LRRC9: variants seen among roughly 807,000 people sequenced by gnomAD.
LRRC9 encodes the protein leucine rich repeat containing 9.
Under a neutral mutation model 63.2 loss-of-function variants are expected in LRRC9, and 122 were observed. The observed-to-expected ratio is 1.93, with a 90% CI of 1.67 to 2.24. LRRC9 has a LOEUF of 2.24. LRRC9 is among the 30% of genes most tolerant of loss of function. The probability of loss-of-function intolerance (pLI) is 0.00; values close to 1 mark genes in which losing one functional copy is unlikely to be tolerated. For missense variants in LRRC9, 1,071 were observed against 627.7 expected, an observed-to-expected ratio of 1.71 and a Z score of -7.55; for synonymous variants, 366 against 213.1, an observed-to-expected ratio of 1.72 and a Z score of -6.25.
intron 8 of LRRC9, 69 bp from the exon 9 acceptor site, chr14:59,959,749 T>C (rs947223704): frequency 3.4e-5 from 17 of 500,354 alleles, no homozygotes; most frequent in Non-Finnish European, 5.3e-5. Flanking sequence ...AAACTTAACA[T>C]CTGAATTCCG....
intron 8 of LRRC9, among the ~76,000 whole-genome samples, chr14:59,949,599 A>G (rs986664259): frequency 2.0e-5 from 3 of 151,150 alleles, no homozygotes; most frequent in African/African-American, 7.3e-5. Flanking sequence ...TAGGGTGTCA[A>G]TTTTGGATCT....
intron 17 of LRRC9, among the ~76,000 whole-genome samples, chr14:59,995,725 G>T (rs1290958706): frequency 6.7e-6 from 1 of 148,752 alleles, no homozygotes; most frequent in Non-Finnish European, 1.5e-5. Context: ...AAGAAGACAG[G>T]TTTTTTTTTT....
chr14:60,054,008 T>C (rs1349801447), intron 30 of LRRC9: 1 of 421,758 alleles, frequency 2.4e-6, no homozygotes, highest in Non-Finnish European at 4.6e-6. Flanking sequence ...AGAATATAAA[T>C]GAATCTTTGA....
At chr14:59,999,560 G>A (rs1034660120) in intron 19 of LRRC9, among the ~76,000 whole-genome samples, 2 of 152,054 alleles carry the variant, frequency 1.3e-5, no homozygotes, top group African/African-American at 4.8e-5. Flanking sequence ...AAGCTTAGAG[G>A]CCTTCAGAAA....
chr14:60,029,419 T>G (rs1476052763), intron 28 of LRRC9, among the ~76,000 whole-genome samples: 1 of 152,086 alleles, frequency 6.6e-6, no homozygotes, highest in Admixed American at 6.6e-5. Flanking sequence ...AACATCTCCA[T>G]TTTAAACTTG....
exon 12 of LRRC9, chr14:59,967,099 C>G (rs1016034899): frequency 1.1e-5 from 7 of 633,524 alleles, no homozygotes; most frequent in Admixed American, 2.1e-5. Flanking sequence ...TCTTAAGGAG[C>G]TACCGAAGGA....
chr14:60,009,007 T>C (rs1023836112), intron 23 of LRRC9, among the ~76,000 whole-genome samples: 5 of 152,168 alleles, frequency 3.3e-5, no homozygotes, highest in Admixed American at 2.6e-4. Context: ...CTGTGACTTA[T>C]TTATTTGTTA....
chr14:59,963,165 C>A (rs907797323), intron 10 of LRRC9, among the ~76,000 whole-genome samples: 1 of 152,138 alleles, frequency 6.6e-6, no homozygotes, highest in Non-Finnish European at 1.5e-5. Context: ...AGAACTAGGA[C>A]TGAAAGATTT....
At chr14:59,953,982 G>C (rs1404925785) in intron 8 of LRRC9, among the ~76,000 whole-genome samples, 1 of 152,084 alleles carries the variant, frequency 6.6e-6, no homozygotes, top group African/African-American at 2.4e-5. Flanking sequence ...GATATGTGGT[G>C]CTATTTCTGA....
At chr14:60,065,022 T>C (rs1894850142), downstream of LRRC9, among the ~76,000 whole-genome samples, 2 of 152,214 alleles carry the variant, frequency 1.3e-5, no homozygotes, top group Admixed American at 6.5e-5. Flanking sequence ...TTTGAGATCT[T>C]CATGTGATTT....
chr14:60,059,946 T>C (rs563430112), intron 31 of LRRC9, among the ~76,000 whole-genome samples: 1 of 152,364 alleles, frequency 6.6e-6, no homozygotes, highest in East Asian at 1.9e-4. Flanking sequence ...AGATGCCATC[T>C]AGGACCTTCA....
rs1448775770 is a variant in LRRC9 at position 59,965,945 on chromosome 14, G to C, written c.1212-644G>C. ...AGATACTGGTGAGGAAGAAAGGAGA[G>C]GATTATTCCTACGGTTTTGACTTAA... On this transcript the variant is annotated intron_variant, in intron 10 of 31. Coordinates refer to ENST00000445360, the Ensembl canonical transcript of LRRC9. Among the ~76,000 whole-genome samples, 3 of 135,600 alleles carry C rather than the reference G, an allele frequency of 2.2e-5. 1 individual carries two copies. The highest frequency in any genetic ancestry group is 4.6e-5 in the Non-Finnish European group (3 of 65,120). 89.0% of individuals were successfully genotyped at this position (135,600 alleles called of 152,430 possible).
At chr14:59,997,740 G>C (rs1269958417) in exon 18 of LRRC9, 1 of 702,488 alleles carries the variant, frequency 1.4e-6, no homozygotes, top group Non-Finnish European at 2.6e-6. Context: ...GAAGCACTTA[G>C]ACTTGAGCTG....
intron 29 of LRRC9, among the ~76,000 whole-genome samples, chr14:60,041,239 T>G (rs1056715519): frequency 2.0e-5 from 3 of 152,128 alleles, no homozygotes; most frequent in Admixed American, 6.6e-5. Context: ...TATGTGTCTT[T>G]GAGTTGCTCT....
rs200050949 is a variant in LRRC9 at position 60,045,258 on chromosome 14, T to TA, written c.3991-7798dup. Among the ~76,000 whole-genome samples the TA allele has an allele frequency of 5.4e-3, 827 of 151,892 alleles. 10 individuals are homozygous for TA. The highest frequency in any genetic ancestry group is 0.019 in the African/African-American group (777 of 41,424). On this transcript the variant is annotated intron_variant, in intron 29 of 31. Transcript: ENST00000445360. ...AGTTGGGTCTTCTTTCTTTCTTTTT[T>TA]AAAAAAAAATTTCAACTTTTATTTT...
chr14:59,948,117 A>C (rs1039301242), intron 8 of LRRC9, among the ~76,000 whole-genome samples: 2 of 107,020 alleles, frequency 1.9e-5, no homozygotes, highest in East Asian at 8.0e-4. Flanking sequence ...CATTTTCACG[A>C]TATTGATTCT....
At chr14:59,935,460 G>T (rs1418173045) in intron 6 of LRRC9, among the ~76,000 whole-genome samples, 1 of 152,148 alleles carries the variant, frequency 6.6e-6, no homozygotes, top group Non-Finnish European at 1.5e-5. Flanking sequence ...AAAGCATTTA[G>T]ATAATGTGTA....
chr14:60,063,017 G>A lies in LRRC9; in HGVS notation c.4277-306G>A, dbSNP rs766702927. Among the ~76,000 whole-genome samples the A allele has an allele frequency of 9.2e-5, 14 of 151,708 alleles. 1 individual carries two copies. The highest frequency in any genetic ancestry group is 2.1e-4 in the South Asian group (1 of 4,792). On this transcript the variant is annotated intron_variant, in intron 31 of 31. Transcript: ENST00000445360. ...AGCAATTCTCCTGCCTCAGCCTCTC[G>A]AGTAGCTGGGATTACTACGGGCATG... is the stretch of plus-strand genomic sequence containing the variant.
chr14:59,972,405 A>G (rs1435933699), intron 12 of LRRC9, among the ~76,000 whole-genome samples: 1 of 152,100 alleles, frequency 6.6e-6, no homozygotes. Flanking sequence ...GTGCAGGTCC[A>G]AAGCCTTTGA....
Sources: allele counts gnomAD v4.1 joint callset (sites outside exome capture counted in the v4.1 genomes callset), GRCh38; gene constraint gnomAD v4.1.1; transcripts MANE v1.5; gene names NCBI Gene and HGNC (gene_info 2026-07-23, HGNC 2026-07-21).